MBOAT2: variants seen among roughly 807,000 people sequenced by gnomAD.
The protein encoded by MBOAT2 is membrane bound glycerophospholipid O-acyltransferase 2.
MBOAT2 carries 28 observed loss-of-function variants against 63.4 expected under a neutral mutation model. The observed-to-expected ratio is 0.44, with a 90% CI of 0.33 to 0.61. MBOAT2 has a LOEUF of 0.61. Among genes scored for constraint, MBOAT2 ranks in the 20% least tolerant of loss-of-function variants. The pLI is 0.03. For synonymous variants in MBOAT2, 211 were observed against 215.6 expected (o/e 0.98, Z 0.19); for missense variants, 470 against 605.8 (o/e 0.78, Z 2.35).
At chr2:8,970,938 C>G (rs931002443) in intron 1 of MBOAT2, among the ~76,000 whole-genome samples, 2 of 152,120 alleles carry the variant, frequency 1.3e-5, no homozygotes, top group African/African-American at 4.8e-5. Context: ...ACCGGAGGTA[C>G]AAGGAGGAAC....
At chr2:9,002,802 G>C (rs1296259750) in intron 1 of MBOAT2, among the ~76,000 whole-genome samples, 3 of 152,084 alleles carry the variant, frequency 2.0e-5, no homozygotes, top group Non-Finnish European at 4.4e-5. Context: ...CCCTTCCCTA[G>C]ACACTGTCAA....
chr2:8,906,978 C>G lies in MBOAT2; in HGVS notation c.395+1643G>C, dbSNP rs183290607. On this transcript the variant is annotated intron_variant, in intron 4 of 12. Transcript: ENST00000305997. The stretch of plus-strand genomic sequence containing the variant: ...ATCTGCTGAGCTCCTCCGACACCTG[C>G]AGAACCTGCCTGCAGAGTCCCAGGA... Among the ~76,000 whole-genome samples the G allele has an allele frequency of 7.2e-5, 11 of 152,316 alleles. No homozygotes were observed. The South Asian group carries it at 1.5e-3, about 20-fold the overall frequency.
intron 3 of MBOAT2, 123 bp downstream of exon 3, chr2:8,943,064 A>G (rs1668162100): frequency 1.8e-6 from 1 of 569,218 alleles, no homozygotes; most frequent in Non-Finnish European, 2.9e-6. Flanking sequence ...TATTTATGAC[A>G]ATTCTTCTTT....
rs549345016 is a variant in MBOAT2 at position 8,989,277 on chromosome 2, GT to G, written c.75+14262del. Among the ~76,000 whole-genome samples the G allele has an allele frequency of 6.6e-5, 10 of 152,254 alleles. No homozygotes were observed. In the South Asian group the frequency reaches 2.1e-3, roughly 32 times the overall value. ...TGTCACACCTGACACCCATCAGCCC[GT>G]TAACGTCAAATGAGTCTACTGCGTC... On this transcript the variant is annotated intron_variant, in intron 1 of 12. Transcript: ENST00000305997.
intron 4 of MBOAT2, among the ~76,000 whole-genome samples, chr2:8,891,212 T>C (rs1663969848): frequency 6.6e-6 from 1 of 152,218 alleles, no homozygotes; most frequent in Non-Finnish European, 1.5e-5. Context: ...GCGTAGCACA[T>C]GGAGAAACAG....
chr2:8,943,605 G>A (rs1668203710), intron 2 of MBOAT2, among the ~76,000 whole-genome samples: 1 of 152,152 alleles, frequency 6.6e-6, no homozygotes, highest in Non-Finnish European at 1.5e-5. Flanking sequence ...TAATTAATAT[G>A]AATTTCAGGA....
At chr2:8,968,459 A>C (rs1394205086) in intron 1 of MBOAT2, among the ~76,000 whole-genome samples, 1 of 152,240 alleles carries the variant, frequency 6.6e-6, no homozygotes, top group African/African-American at 2.4e-5. Flanking sequence ...GAAAATTCTA[A>C]AAATCAGAGT....
intron 8 of MBOAT2, among the ~76,000 whole-genome samples, chr2:8,872,049 A>C (rs1430778747): frequency 6.6e-6 from 1 of 152,202 alleles, no homozygotes; most frequent in African/African-American, 2.4e-5. Flanking sequence ...CCACAGGATC[A>C]GGCCATCAGC....
Position 8,862,813 on chromosome 2 carries a change from G to T in MBOAT2, c.1053-91C>A. On this transcript the variant is annotated intron_variant, in intron 10 of 12. Transcript: ENST00000305997. This position sits in a 1 kb window ranked among gnomAD's most constrained non-coding sequence, Gnocchi z 4.3. ...TGATCATTCTTTTATTACCTGACAG[G>T]ATTTAGGGTAACTAGAAAAACAAAT... The T allele has an allele frequency of 1.4e-6, 2 of 1,441,748 alleles. No homozygotes were observed. The highest frequency in any genetic ancestry group is 1.4e-5 in the South Asian group (1 of 70,614). The allele number at this position is 1,441,748 out of a possible 1,614,324, so 89.3% of individuals were successfully genotyped here. A position where few individuals can be genotyped will look rare whatever the true frequency, so the allele number is the denominator to read the frequency against.
At chr2:8,883,917 G>A (rs948915679) in intron 5 of MBOAT2, among the ~76,000 whole-genome samples, 1 of 151,868 alleles carries the variant, frequency 6.6e-6, no homozygotes, top group South Asian at 2.1e-4. Flanking sequence ...GATGATAAAG[G>A]AAATATTAAT....
chr2:8,925,600 T>C (rs111943379), intron 3 of MBOAT2, among the ~76,000 whole-genome samples: 9 of 152,336 alleles, frequency 5.9e-5, no homozygotes, highest in Admixed American at 2.0e-4. Context: ...ACGGTTAGCA[T>C]GTGAGCAGAG....
At chr2:8,959,576 C>T (rs554518943) in intron 1 of MBOAT2, among the ~76,000 whole-genome samples, 71 of 152,102 alleles carry the variant, frequency 4.7e-4, no homozygotes, top group African/African-American at 1.7e-3. Context: ...ATTCTCCCAC[C>T]TCAGCCTTCC....
At chr2:8,905,438 A>G (rs1665257495) in intron 4 of MBOAT2, among the ~76,000 whole-genome samples, 1 of 152,246 alleles carries the variant, frequency 6.6e-6, no homozygotes, top group Admixed American at 6.5e-5. Flanking sequence ...CAGTTCACTG[A>G]TAATGGTCAA....
At chr2:8,923,501 AC>A (rs1034534303) in intron 3 of MBOAT2, among the ~76,000 whole-genome samples, 2 of 151,994 alleles carry the variant, frequency 1.3e-5, no homozygotes, top group African/African-American at 4.8e-5. Context: ...CAACCGGAGC[AC>A]CCTTAATTTG....
At chr2:8,895,149 A>C (rs1260312706) in intron 4 of MBOAT2, among the ~76,000 whole-genome samples, 1 of 152,232 alleles carries the variant, frequency 6.6e-6, no homozygotes, top group African/African-American at 2.4e-5. Flanking sequence ...AACGGACCCT[A>C]GCGGGAGCCA....
At chr2:8,971,615 A>T (rs1244910386) in intron 1 of MBOAT2, among the ~76,000 whole-genome samples, 5 of 152,208 alleles carry the variant, frequency 3.3e-5, no homozygotes, top group East Asian at 3.9e-4. Context: ...TATTTAGAAA[A>T]CCCCATCGTC....
intron 11 of MBOAT2, among the ~76,000 whole-genome samples, chr2:8,861,819 T>C (rs985520640): frequency 6.6e-6 from 1 of 152,186 alleles, no homozygotes; most frequent in African/African-American, 2.4e-5. Context: ...ATAAGGTATG[T>C]ACACACATAT....
At position 8,870,657 on chromosome 2, in the gene MBOAT2, C is replaced by T. The variant is rs181832834; in HGVS notation, c.884-2108G>A. On this transcript the variant is annotated intron_variant, in intron 8 of 12. Coordinates refer to ENST00000305997, the MANE Select transcript of MBOAT2 (RefSeq NM_138799.4). The stretch of plus-strand genomic sequence containing the variant: ...GACAGAGTTGAAACCTGAACCTCAG[C>T]GCTGAACCATTACCAGGAACTCAAC... 5.9e-5 allele frequency among the ~76,000 whole-genome samples: 9 copies of T among 152,256 alleles called. No individual in the cohort carries two copies. The East Asian group carries it at 1.2e-3, about 20-fold the overall frequency.
intron 9 of MBOAT2, among the ~76,000 whole-genome samples, chr2:8,867,130 C>T (rs1661956665): frequency 6.6e-6 from 1 of 152,160 alleles, no homozygotes; most frequent in Non-Finnish European, 1.5e-5. Flanking sequence ...TCACGGCTCA[C>T]TGCAGCCTGC....
Sources: gnomAD v4.1 joint callset for allele counts (sites outside exome capture counted in the v4.1 genomes callset) on GRCh38, gnomAD v4.1.1 for gene constraint, Gnocchi (gnomAD v3.1) non-coding constraint, MANE v1.5 for transcripts, NCBI Gene and HGNC (gene_info 2026-07-23, HGNC 2026-07-21) for gene names.